Variants in PDCD1LG2 observed in about 807,000 individuals in gnomAD.
PDCD1LG2 encodes the protein B7 dendritic cell molecule.
In PDCD1LG2, 32 loss-of-function variants were observed where a neutral mutation model predicts 28.2. That is an observed-to-expected ratio of 1.13 (90% CI 0.86 to 1.52). The LOEUF is 1.52. Among genes scored for constraint, PDCD1LG2 ranks in the 40% most tolerant of loss-of-function variants. The pLI is 0.00. For missense variants in PDCD1LG2, 385 were observed against 323.8 expected, an observed-to-expected ratio of 1.19 and a Z score of -1.45; for synonymous variants, 116 against 120.2, an observed-to-expected ratio of 0.97 and a Z score of 0.23.
chr9:5,568,165 C>G (rs1229836983), intron 6 of PDCD1LG2, among the ~76,000 whole-genome samples: 1 of 152,216 alleles, frequency 6.6e-6, no homozygotes, highest in African/African-American at 2.4e-5. Context: ...GAGTGGAGGA[C>G]ATAATCACCC....
chr9:5,522,079 G>A (rs1820285760), intron 1 of PDCD1LG2, among the ~76,000 whole-genome samples: 1 of 152,178 alleles, frequency 6.6e-6, no homozygotes, highest in Non-Finnish European at 1.5e-5. Flanking sequence ...AGTATTTATT[G>A]AGAATGTAGC....
At chr9:5,555,253 T>G (rs949696086) in intron 4 of PDCD1LG2, among the ~76,000 whole-genome samples, 6 of 151,982 alleles carry the variant, frequency 3.9e-5, no homozygotes, top group African/African-American at 1.5e-4. Flanking sequence ...CCGTCTCTAC[T>G]AAAAATACAA....
At chr9:5,517,825 G>A (rs898007240) in intron 1 of PDCD1LG2, among the ~76,000 whole-genome samples, 2 of 152,180 alleles carry the variant, frequency 1.3e-5, no homozygotes, top group African/African-American at 4.8e-5. Context: ...AGAAAAGAAA[G>A]GACTCAAGAT....
chr9:5,567,969 T>G (rs1472695405), intron 6 of PDCD1LG2, among the ~76,000 whole-genome samples: 2 of 152,230 alleles, frequency 1.3e-5, no homozygotes, highest in Non-Finnish European at 2.9e-5. Flanking sequence ...TATCCCGACT[T>G]CCTTCTAAGA....
At position 5,570,689 on chromosome 9, in the gene PDCD1LG2, TTTTA is replaced by T. The variant is rs1183177836; in HGVS notation, c.*734_*737del. ...TTTCCTTTAAAAATTATTGGTTTCT[TTTTA>T]TTTGTTTTTACCTTAGAAATCAATT... On this transcript the variant is annotated 3_prime_UTR_variant, in exon 7 of 7. Coordinates refer to ENST00000397747, the MANE Select transcript of PDCD1LG2 (RefSeq NM_025239.4). 4.7e-5 allele frequency: 11 copies of T among 232,098 alleles called. No individual in the cohort carries two copies. The highest frequency in any genetic ancestry group is 6.8e-5 in the Non-Finnish European group (8 of 117,450). The allele number at this position is 232,098 out of a possible 1,614,324, so 14.4% of individuals were successfully genotyped here. A position where few individuals can be genotyped will look rare whatever the true frequency, so the allele number is the denominator to read the frequency against.
intron 5 of PDCD1LG2, 62 bp from the exon 6 acceptor site, chr9:5,563,100 A>G (rs1816598192): frequency 3.1e-6 from 4 of 1,302,600 alleles, no homozygotes; most frequent in African/African-American, 3.0e-5. Context: ...CCATATTTTA[A>G]TCTATAAGCC....
intron 1 of PDCD1LG2, among the ~76,000 whole-genome samples, chr9:5,515,044 G>T (rs925112713): frequency 6.6e-6 from 1 of 152,170 alleles, no homozygotes; most frequent in East Asian, 1.9e-4. Flanking sequence ...ACCCTCATAA[G>T]TGATAATGAC....
chr9:5,544,559 C>A (rs569976575), intron 3 of PDCD1LG2, among the ~76,000 whole-genome samples: 8 of 151,372 alleles, frequency 5.3e-5, no homozygotes, highest in African/African-American at 1.9e-4. Flanking sequence ...CTTCCTGCAA[C>A]ACAGAGCAGA....
chr9:5,556,338 A>G (rs907315671), intron 4 of PDCD1LG2, among the ~76,000 whole-genome samples: 1 of 152,216 alleles, frequency 6.6e-6, no homozygotes, highest in Non-Finnish European at 1.5e-5. Flanking sequence ...ATTATAATCA[A>G]TATGGGTTAT....
chr9:5,519,237 G>T (rs1820227999), intron 1 of PDCD1LG2, among the ~76,000 whole-genome samples: 1 of 152,178 alleles, frequency 6.6e-6, no homozygotes, highest in Non-Finnish European at 1.5e-5. Flanking sequence ...TTGGCCCTGG[G>T]GTGATTAAGG....
chr9:5,512,486 G>A (rs57093377), intron 1 of PDCD1LG2, among the ~76,000 whole-genome samples: 33,792 of 152,096 alleles, frequency 0.22, 3,967 homozygotes, highest in Admixed American at 0.32. Flanking sequence ...CCCTGGGGGA[G>A]CTTCTGATGC....
At chr9:5,550,264 A>G (rs1252663088) in intron 4 of PDCD1LG2, among the ~76,000 whole-genome samples, 1 of 152,334 alleles carries the variant, frequency 6.6e-6, no homozygotes, top group South Asian at 2.1e-4. Flanking sequence ...TATTTTTGGA[A>G]GGGATCCCAT....
chr9:5,548,703 G>C (rs1026142072), intron 3 of PDCD1LG2, among the ~76,000 whole-genome samples: 3 of 152,150 alleles, frequency 2.0e-5, no homozygotes, highest in Admixed American at 6.6e-5. Flanking sequence ...TTGTGTGTAT[G>C]TATCTGCATG....
At chr9:5,563,090 C>T (rs909525338) in intron 5 of PDCD1LG2, 72 bp from the exon 6 acceptor site, 3 of 1,194,260 alleles carry the variant, frequency 2.5e-6, no homozygotes, top group Middle Eastern at 3.8e-4. Context: ...TTTTGTCCTG[C>T]CATATTTTAA....
In PDCD1LG2 at chr9:5,512,388, G is replaced by A. The variant is rs1174941146; in HGVS notation, c.-15+1585G>A. Among the ~76,000 whole-genome samples, 4 of 152,256 alleles carry A rather than the reference G, an allele frequency of 2.6e-5. No individual in the cohort carries two copies. In the South Asian group the frequency reaches 8.3e-4, roughly 32 times the overall value. On this transcript the variant is annotated intron_variant, in intron 1 of 6. Transcript: ENST00000397747. Reference sequence around the variant, plus strand: ...CCAGCTGTCTCTAACACACCTGTGGGCTGACTTCCAGTTCTTAGTCTTCAC... The same window carrying A: ...CCAGCTGTCTCTAACACACCTGTGGACTGACTTCCAGTTCTTAGTCTTCAC...
At chr9:5,536,167 A>G (rs7038685) in intron 3 of PDCD1LG2, among the ~76,000 whole-genome samples, 12,010 of 152,192 alleles carry the variant, frequency 0.079, 1,543 homozygotes, top group African/African-American at 0.27. Context: ...GTTCGCCCTT[A>G]TCCTTGGGCA....
At chr9:5,513,605 C>A (rs1161305061) in intron 1 of PDCD1LG2, among the ~76,000 whole-genome samples, 2 of 152,132 alleles carry the variant, frequency 1.3e-5, no homozygotes, top group African/African-American at 2.4e-5. Flanking sequence ...CTGTTTATTG[C>A]TTAAAAAATT....
chr9:5,534,599 G>T (rs563769156), intron 2 of PDCD1LG2, 146 bp from the exon 3 acceptor site: 30 of 687,102 alleles, frequency 4.4e-5, no homozygotes, highest in Admixed American at 8.9e-5. Flanking sequence ...TGGGGCAAAG[G>T]AGAAAAAGGA....
At chr9:5,513,125 T>A (rs1219587606) in intron 1 of PDCD1LG2, among the ~76,000 whole-genome samples, 1 of 152,256 alleles carries the variant, frequency 6.6e-6, no homozygotes, top group Non-Finnish European at 1.5e-5. Context: ...GTATTGTCAC[T>A]TAGTTTTTGA....
Sources: gnomAD v4.1 joint callset for allele counts (sites outside exome capture counted in the v4.1 genomes callset) on GRCh38, gnomAD v4.1.1 for gene constraint, MANE v1.5 for transcripts, NCBI Gene and HGNC (gene_info 2026-07-23, HGNC 2026-07-21) for gene names.